The following TMEM108 variants were observed in gnomAD, a reference collection of about 807,000 sequenced individuals.
The protein encoded by TMEM108 is transmembrane protein 108.
TMEM108 carries 12 observed loss-of-function variants against 35.1 expected under a neutral mutation model. That is an observed-to-expected ratio of 0.34 (90% CI 0.22 to 0.55). The LOEUF (loss-of-function observed/expected upper bound fraction) is 0.55. Among genes scored for constraint, TMEM108 ranks in the 20% least tolerant of loss-of-function variants. TMEM108 has a pLI of 0.89. For synonymous variants in TMEM108, 287 were observed against 308.6 expected (o/e 0.93, Z 0.73); for missense variants, 680 against 753.3 (o/e 0.90, Z 1.14).
At chr3:133,149,499 T>A (rs1379531773) in intron 2 of TMEM108, among the ~76,000 whole-genome samples, 3 of 152,138 alleles carry the variant, frequency 2.0e-5, no homozygotes, top group African/African-American at 7.2e-5. Flanking sequence ...TTGATCCAAA[T>A]CCCCACATTT....
intron 2 of TMEM108, among the ~76,000 whole-genome samples, chr3:133,219,493 C>G (rs183539816): frequency 1.1e-4 from 16 of 151,790 alleles, no homozygotes; most frequent in African/African-American, 3.4e-4. Flanking sequence ...GTAAATTTTC[C>G]TCTTAGAACC....
At chr3:133,054,991 G>T (rs1335653416) in intron 2 of TMEM108, among the ~76,000 whole-genome samples, 2 of 152,184 alleles carry the variant, frequency 1.3e-5, no homozygotes, top group Non-Finnish European at 2.9e-5. Context: ...AATGTAGTTT[G>T]TTACTGAAGG....
intron 2 of TMEM108, among the ~76,000 whole-genome samples, chr3:133,116,465 AC>A (rs1226869818): frequency 1.3e-5 from 2 of 152,178 alleles, no homozygotes; most frequent in African/African-American, 4.8e-5. Flanking sequence ...TTTTTCATGA[AC>A]TTTTTGAAGA....
intron 2 of TMEM108, among the ~76,000 whole-genome samples, chr3:133,082,933 C>T (rs1374321426): frequency 6.6e-6 from 1 of 152,158 alleles, no homozygotes; most frequent in Non-Finnish European, 1.5e-5. Context: ...GGATTACAGG[C>T]GTGAGCCACC....
At position 133,309,682 on chromosome 3, in the gene TMEM108, CTTTTTTTTTTTTTTTTTTTTTT is replaced by C. The variant is rs148272827; in HGVS notation, c.41-70055_41-70034del. On this transcript the variant is annotated intron_variant, in intron 3 of 5. Coordinates refer to ENST00000321871, the MANE Select transcript of TMEM108 (RefSeq NM_023943.4). ...TAGTTATGCGGGTTTGAGTGAGTTTCTTTTTTTTTTTTTTTTTTTTTTTTTTTTTTTTTTTTGAGACGGAGTC... is the reference window on the plus strand; with the variant it reads ...TAGTTATGCGGGTTTGAGTGAGTTTCTTTTTTTTTTTTTTGAGACGGAGTC... Among the ~76,000 whole-genome samples the C allele has an allele frequency of 1.7e-3, 119 of 69,196 alleles. 1 individual carries two copies. The highest frequency in any genetic ancestry group is 3.0e-3 in the Admixed American group (18 of 5,968). 45.4% of individuals were successfully genotyped at this position (69,196 alleles called of 152,430 possible). A position where few individuals can be genotyped will look rare whatever the true frequency, so the allele number is the denominator to read the frequency against.
Position 133,379,780 on chromosome 3 carries a change from A to C in TMEM108, c.69A>C (p.Glu23Asp). 1 of 1,613,848 alleles carries C rather than the reference A, an allele frequency of 6.2e-7. No homozygotes were observed. The highest frequency in any genetic ancestry group is 8.5e-7 in the Non-Finnish European group (1 of 1,179,860). ...LSFLLILALTEALAFAIQEPS... is the reference protein window; with the variant it reads ...LSFLLILALTDALAFAIQEPS... ...TCCTGCTGATCTTGGCACTGACCGA[A>C]GCGCTGGCATTTGCCATCCAGGAAC... Residue 23 changes from glutamate to aspartate, a missense_variant, in exon 4 of 6, where the codon GAA becomes GAC. Coordinates refer to ENST00000321871, the MANE Select transcript of TMEM108 (RefSeq NM_023943.4).
At chr3:133,277,056 T>C (rs536569967) in intron 3 of TMEM108, among the ~76,000 whole-genome samples, 21 of 152,216 alleles carry the variant, frequency 1.4e-4, no homozygotes, top group Non-Finnish European at 3.1e-4. Context: ...TGAAACTGTT[T>C]CAGATCAAAG....
intron 3 of TMEM108, among the ~76,000 whole-genome samples, chr3:133,312,748 A>T (rs1415596249): frequency 2.0e-5 from 3 of 152,216 alleles, no homozygotes; most frequent in Non-Finnish European, 4.4e-5. Flanking sequence ...CTGTCCAACC[A>T]GTCCCAGTGA....
intron 2 of TMEM108, among the ~76,000 whole-genome samples, chr3:133,197,768 G>A (rs6439389): frequency 0.32 from 48,037 of 151,998 alleles, 8,437 homozygotes; most frequent in East Asian, 0.46. Flanking sequence ...AAGAAAATAT[G>A]AGCCAGGGTA....
chr3:133,050,674 C>T (rs1307650249), intron 2 of TMEM108, among the ~76,000 whole-genome samples: 3 of 151,922 alleles, frequency 2.0e-5, no homozygotes, highest in Non-Finnish European at 2.9e-5. Context: ...ATCTCCCACC[C>T]CTTTGCCCTT....
At chr3:133,387,419 A>C in intron 4 of TMEM108, 1 of 985,490 alleles carries the variant, frequency 1.0e-6, no homozygotes, top group South Asian at 4.7e-5. Flanking sequence ...TCAGGCCAGG[A>C]GCATGAACAT....
At chr3:133,169,645 G>T (rs1009232135) in intron 2 of TMEM108, among the ~76,000 whole-genome samples, 1 of 152,016 alleles carries the variant, frequency 6.6e-6, no homozygotes, top group Non-Finnish European at 1.5e-5. Flanking sequence ...TGTAACTCCA[G>T]ATTTATTATA....
At chr3:133,334,444 G>A (rs138766563) in intron 3 of TMEM108, among the ~76,000 whole-genome samples, 85 of 152,288 alleles carry the variant, frequency 5.6e-4, no homozygotes, top group African/African-American at 1.9e-3. Flanking sequence ...AAAAAATTGA[G>A]TAGATGGAAA....
chr3:133,222,478 TC>T (rs1946006490), intron 2 of TMEM108, among the ~76,000 whole-genome samples: 1 of 152,058 alleles, frequency 6.6e-6, no homozygotes, highest in Non-Finnish European at 1.5e-5. Flanking sequence ...AACTTTGTGT[TC>T]CTTTGTCTTT....
chr3:133,282,017 C>T (rs1293086818), intron 3 of TMEM108, among the ~76,000 whole-genome samples: 2 of 152,216 alleles, frequency 1.3e-5, no homozygotes, highest in East Asian at 1.9e-4. Context: ...ATTAGCTGGG[C>T]ATGGTGGCAG....
intron 3 of TMEM108, among the ~76,000 whole-genome samples, chr3:133,303,841 G>A (rs562175590): frequency 1.3e-5 from 2 of 152,310 alleles, no homozygotes; most frequent in South Asian, 4.1e-4. Flanking sequence ...TGTGGTTGCT[G>A]TTTCCTTCCT....
intron 2 of TMEM108, among the ~76,000 whole-genome samples, chr3:133,147,055 G>A (rs1237999732): frequency 6.6e-6 from 1 of 151,956 alleles, no homozygotes; most frequent in Non-Finnish European, 1.5e-5. Context: ...GTGATATTAG[G>A]GTGTCGATTG....
intron 3 of TMEM108, among the ~76,000 whole-genome samples, chr3:133,254,304 T>C (rs1000598401): frequency 2.6e-4 from 40 of 152,026 alleles, no homozygotes; most frequent in African/African-American, 8.9e-4. Context: ...GAGAAAAAAA[T>C]AGTGACAACA....
chr3:133,187,861 C>CAAAAAAAAAAAAAAAAAA, intron 2 of TMEM108, among the ~76,000 whole-genome samples: 1 of 124,620 alleles, frequency 8.0e-6, no homozygotes. Flanking sequence ...AAACTTTATG[C>CAAAAAAAAAAAAAAAAAA]ATATCAGAGT....
Sources: gnomAD v4.1 joint callset for allele counts (sites outside exome capture counted in the v4.1 genomes callset) on GRCh38, gnomAD v4.1.1 for gene constraint, MANE v1.5 for transcripts, NCBI Gene and HGNC (gene_info 2026-07-23, HGNC 2026-07-21) for gene names.